The following SLC4A10 variants were observed in gnomAD, a reference collection of about 807,000 sequenced individuals.
The protein encoded by SLC4A10 is solute carrier family 4 member 10, also known as sodium-driven chloride bicarbonate exchanger.
SLC4A10 carries 42 observed loss-of-function variants against 137.7 expected under a neutral mutation model. The observed-to-expected ratio is 0.30, with a 90% CI of 0.24 to 0.39. The LOEUF is 0.39. Among genes scored for constraint, SLC4A10 ranks in the 10% least tolerant of loss-of-function variants. The probability of loss-of-function intolerance (pLI) is 1.00; values close to 1 mark genes in which losing one functional copy is unlikely to be tolerated. For synonymous variants in SLC4A10, 474 were observed against 464.1 expected (o/e 1.02, Z -0.27); for missense variants, 925 against 1,355.0 (o/e 0.68, Z 4.98).
At chr2:161,884,844 G>A (rs1317669936) in intron 10 of SLC4A10, among the ~76,000 whole-genome samples, 1 of 152,198 alleles carries the variant, frequency 6.6e-6, no homozygotes, top group East Asian at 1.9e-4. Flanking sequence ...CCTCGGTGAG[G>A]CAATTGTTCT....
intron 1 of SLC4A10, among the ~76,000 whole-genome samples, chr2:161,625,066 CGT>C (rs5835872): frequency 0.021 from 3,000 of 144,244 alleles, 54 homozygotes; most frequent in African/African-American, 0.05. Flanking sequence ...ACAGAAGGAT[CGT>C]GTGTGTGTGT....
intron 15 of SLC4A10, among the ~76,000 whole-genome samples, chr2:161,940,980 C>T (rs1692580346): frequency 6.6e-6 from 1 of 152,072 alleles, no homozygotes; most frequent in Non-Finnish European, 1.5e-5. Context: ...AGCAAAAAGG[C>T]TGGAATTTAG....
intron 1 of SLC4A10, among the ~76,000 whole-genome samples, chr2:161,719,472 G>A (rs536936765): frequency 2.0e-5 from 3 of 152,222 alleles, no homozygotes; most frequent in East Asian, 1.9e-4. Context: ...CTGAGGAATC[G>A]CCGCACTGAC....
chr2:161,921,635 A>G (rs911492586), intron 15 of SLC4A10, among the ~76,000 whole-genome samples: 4 of 152,262 alleles, frequency 2.6e-5, no homozygotes, highest in Non-Finnish European at 5.9e-5. Flanking sequence ...AACTTTGCCT[A>G]TATGACTTCA....
chr2:161,718,074 A>G (rs1444052142), intron 1 of SLC4A10, among the ~76,000 whole-genome samples: 11 of 151,700 alleles, frequency 7.3e-5, no homozygotes, highest in Admixed American at 7.2e-4. Flanking sequence ...TTTCTCCTAG[A>G]TTTTCTAGTT....
intron 10 of SLC4A10, among the ~76,000 whole-genome samples, chr2:161,887,407 G>A (rs1256283821): frequency 1.3e-5 from 2 of 151,982 alleles, no homozygotes; most frequent in Non-Finnish European, 1.5e-5. Context: ...TTTCACAATC[G>A]TTGAACTAAT....
At chr2:161,951,734 T>C (rs1451314990) in intron 19 of SLC4A10, among the ~76,000 whole-genome samples, 2 of 152,140 alleles carry the variant, frequency 1.3e-5, no homozygotes, top group African/African-American at 4.8e-5. Flanking sequence ...GTTAGAAAGA[T>C]GAAAAATATC....
chr2:161,717,008 C>T (rs374357796), intron 1 of SLC4A10, among the ~76,000 whole-genome samples: 62 of 152,214 alleles, frequency 4.1e-4, no homozygotes, highest in African/African-American at 1.4e-3. Flanking sequence ...TGAAGAGGTC[C>T]TTCACATTCC....
At position 161,777,085 on chromosome 2, in the gene SLC4A10, A is replaced by AAATTTTTAATTTAAAAAAATTAAAATT. The variant is rs1433134889; in HGVS notation, c.130+6050_130+6076dup. ...ACTTGAATAGACACTTAACCCTATC[A>AAATTTTTAATTTAAAAAAATTAAAATT]AATTTTTAATTTAAAAAAATTAAAA... On this transcript the variant is annotated intron_variant, in intron 2 of 26. Transcript: ENST00000446997. Among the ~76,000 whole-genome samples, 67 of 151,714 alleles carry AAATTTTTAATTTAAAAAAATTAAAATT rather than the reference A, an allele frequency of 4.4e-4. No homozygotes were observed. In the South Asian group the frequency reaches 4.8e-3, roughly 11 times the overall value.
At position 161,882,340 on chromosome 2, in the gene SLC4A10, TTTC is replaced by T; in HGVS notation, c.1107-11_1107-9del. Reference sequence around the variant, plus strand: ...TATATTTCTACCTTAAAACATTTTTTTTCTTCTTAATTACAGATTTTTGTTCAT... The same window carrying T: ...TATATTTCTACCTTAAAACATTTTTTTTCTTAATTACAGATTTTTGTTCAT... On this transcript the variant is annotated splice_polypyrimidine_tract_variant and intron_variant, in intron 9 of 26. Coordinates refer to ENST00000446997, the MANE Select transcript of SLC4A10 (RefSeq NM_001178015.2). 4 of 1,470,632 alleles carry T rather than the reference TTTC, an allele frequency of 2.7e-6. No homozygotes were observed. Among genetic ancestry groups the T allele is most frequent in the Non-Finnish European group, 3.7e-6 (4 of 1,086,638 alleles). 91.1% of individuals were successfully genotyped at this position (1,470,632 alleles called of 1,614,324 possible).
At chr2:161,800,009 G>T (rs1193254007) in intron 2 of SLC4A10, among the ~76,000 whole-genome samples, 2 of 152,016 alleles carry the variant, frequency 1.3e-5, no homozygotes, top group Non-Finnish European at 2.9e-5. Context: ...GGGAGAGAAT[G>T]AGAAGGTCCT....
intron 1 of SLC4A10, among the ~76,000 whole-genome samples, chr2:161,759,115 GA>G (rs2049976194): frequency 6.6e-6 from 1 of 151,806 alleles, no homozygotes; most frequent in African/African-American, 2.4e-5. Context: ...CGTATACTTA[GA>G]AATTTCTTTA....
At chr2:161,934,855 G>T (rs767364710) in intron 15 of SLC4A10, among the ~76,000 whole-genome samples, 5 of 151,586 alleles carry the variant, frequency 3.3e-5, no homozygotes, top group Non-Finnish European at 7.4e-5. Context: ...CAGATTTATG[G>T]TTTGTAAATA....
chr2:161,926,958 G>A (rs527691325), intron 15 of SLC4A10, among the ~76,000 whole-genome samples: 31 of 152,138 alleles, frequency 2.0e-4, no homozygotes, highest in Non-Finnish European at 3.8e-4. Context: ...CCCTTTGTGG[G>A]TAACCCAACC....
chr2:161,882,584 T>G, intron 10 of SLC4A10, 140 bp downstream of exon 10: 1 of 474,398 alleles, frequency 2.1e-6, no homozygotes, highest in Non-Finnish European at 3.7e-6. Flanking sequence ...TGCTATAAAA[T>G]CTCCTTTAGA....
intron 15 of SLC4A10, among the ~76,000 whole-genome samples, chr2:161,933,581 A>G (rs559900047): frequency 5.9e-5 from 9 of 152,032 alleles, no homozygotes; most frequent in Non-Finnish European, 1.2e-4. Context: ...TGTTATAGAG[A>G]CAACATTCTT....
At chr2:161,628,634 T>G (rs994752507) in intron 1 of SLC4A10, among the ~76,000 whole-genome samples, 3 of 152,056 alleles carry the variant, frequency 2.0e-5, no homozygotes, top group African/African-American at 7.2e-5. Flanking sequence ...AATTATAATC[T>G]GAGTTTAAAG....
intron 19 of SLC4A10, among the ~76,000 whole-genome samples, chr2:161,955,803 T>A (rs1695557019): frequency 6.6e-6 from 1 of 152,144 alleles, no homozygotes; most frequent in African/African-American, 2.4e-5. Context: ...AAACTACCTC[T>A]AAAAAAGACT....
intron 8 of SLC4A10, among the ~76,000 whole-genome samples, chr2:161,876,830 A>G (rs997619903): frequency 2.0e-5 from 3 of 152,014 alleles, no homozygotes; most frequent in African/African-American, 4.8e-5. Context: ...TAATTAGATA[A>G]TATATAATCG....
Sources: gnomAD v4.1 joint callset for allele counts (sites outside exome capture counted in the v4.1 genomes callset) on GRCh38, gnomAD v4.1.1 for gene constraint, MANE v1.5 for transcripts, NCBI Gene and HGNC (gene_info 2026-07-23, HGNC 2026-07-21) for gene names.